Variants in SPRED1 observed in about 807,000 individuals in gnomAD.
SPRED1 encodes sprouty-related, EVH1 domain-containing protein 1.
A neutral mutation model predicts 52.3 loss-of-function variants in SPRED1; 18 were observed. The observed-to-expected ratio is 0.34, with a 90% confidence interval of 0.24 to 0.51. The LOEUF is 0.51. SPRED1 is among the 20% of genes least tolerant of loss of function. The probability of loss-of-function intolerance (pLI) is 0.97; values close to 1 mark genes in which losing one functional copy is unlikely to be tolerated. For synonymous variants in SPRED1, 155 were observed against 179.7 expected (o/e 0.86, Z 1.10); for missense variants, 485 against 551.0 (o/e 0.88, Z 1.20).
At chr15:38,331,841 G>A (rs1411633758) in intron 4 of SPRED1, among the ~76,000 whole-genome samples, 2 of 152,034 alleles carry the variant, frequency 1.3e-5, no homozygotes, top group Admixed American at 6.6e-5. Flanking sequence ...TTGAATATGT[G>A]TATATACTTT....
chr15:38,310,437 A>G (rs1895344360), intron 2 of SPRED1, among the ~76,000 whole-genome samples: 1 of 152,090 alleles, frequency 6.6e-6, no homozygotes, highest in East Asian at 1.9e-4. Flanking sequence ...CACTGTGCCC[A>G]GCCAAATTTT....
At position 38,354,802 on chromosome 15, in the gene SPRED1, A is replaced by G. The variant is rs531030936; in HGVS notation, c.*3138A>G. On this transcript the variant is annotated 3_prime_UTR_variant, in exon 7 of 7. Coordinates refer to ENST00000299084, the MANE Select transcript of SPRED1 (RefSeq NM_152594.3). Reference sequence around the variant, plus strand: ...GATGTACTGAGGCATTTATAGAACCAGTTGCTTTAACTCTCAAAAGCCATT... The same window carrying G: ...GATGTACTGAGGCATTTATAGAACCGGTTGCTTTAACTCTCAAAAGCCATT... 3 of 152,346 alleles carry G rather than the reference A, an allele frequency of 2.0e-5. No homozygotes were observed. The highest frequency in any genetic ancestry group is 4.1e-4 in the South Asian group (2 of 4,832). The allele number at this position is 152,346 out of a possible 1,614,324, so 9.4% of individuals were successfully genotyped here.
chr15:38,295,126 T>C (rs1303903162), intron 1 of SPRED1, among the ~76,000 whole-genome samples: 5 of 152,210 alleles, frequency 3.3e-5, no homozygotes, highest in African/African-American at 9.7e-5. Context: ...AAAAGTATGC[T>C]AAGTAAAGCA....
chr15:38,354,182 C>A lies in SPRED1; in HGVS notation c.*2518C>A, dbSNP rs1032420350. The A allele has an allele frequency of 6.6e-6, 1 of 152,172 alleles. No homozygotes were observed. The highest frequency in any genetic ancestry group is 2.4e-5 in the African/African-American group (1 of 41,410). The allele number at this position is 152,172 out of a possible 1,614,324, so 9.4% of individuals were successfully genotyped here. ...ATTTTCTTTTGAGTAAATGAGAATT[C>A]CTTTGTGAAAGCAAATGGGTAGTTT... is the stretch of plus-strand genomic sequence containing the variant. On this transcript the variant is annotated 3_prime_UTR_variant, in exon 7 of 7. Coordinates refer to ENST00000299084, the MANE Select transcript of SPRED1 (RefSeq NM_152594.3).
At chr15:38,335,266 A>G (rs1895889718) in intron 4 of SPRED1, among the ~76,000 whole-genome samples, 2 of 152,072 alleles carry the variant, frequency 1.3e-5, no homozygotes, top group African/African-American at 4.8e-5. Context: ...CTTCCAACAA[A>G]GCTTTGGTAA....
At chr15:38,349,936 C>T (rs1042009903) in intron 6 of SPRED1, among the ~76,000 whole-genome samples, 1 of 152,114 alleles carries the variant, frequency 6.6e-6, no homozygotes, top group African/African-American at 2.4e-5. Flanking sequence ...AATTTGTCTA[C>T]TTAGAAGCCT....
intron 1 of SPRED1, among the ~76,000 whole-genome samples, chr15:38,280,758 A>G (rs879054877): frequency 6.6e-6 from 1 of 152,210 alleles, no homozygotes; most frequent in South Asian, 2.1e-4. Context: ...GAAATTTAAC[A>G]TCTCTTATAA....
intron 1 of SPRED1, among the ~76,000 whole-genome samples, chr15:38,282,329 ACACACACACACACATG>A (rs1407641181): frequency 2.6e-4 from 13 of 49,210 alleles, no homozygotes; most frequent in Middle Eastern, 0.01. Context: ...ACACACACAC[ACACACACACACACATG>A]CACACACACA....
chr15:38,285,643 T>G (rs1037331311), intron 1 of SPRED1, among the ~76,000 whole-genome samples: 2 of 152,132 alleles, frequency 1.3e-5, no homozygotes, highest in African/African-American at 2.4e-5. Context: ...GAGCCAATTT[T>G]TGTAGGGTCT....
intron 1 of SPRED1, among the ~76,000 whole-genome samples, chr15:38,275,107 C>T (rs932732207): frequency 2.0e-5 from 3 of 152,142 alleles, no homozygotes; most frequent in African/African-American, 7.2e-5. Flanking sequence ...TGATGTTTGC[C>T]AAATGATTTT....
chr15:38,327,607 G>T (rs1175681903), intron 4 of SPRED1, among the ~76,000 whole-genome samples: 1 of 152,152 alleles, frequency 6.6e-6, no homozygotes, highest in African/African-American at 2.4e-5. Context: ...CAAGGAACTG[G>T]AGCCTTCTAG....
chr15:38,270,942 C>T (rs1229006586), intron 1 of SPRED1, among the ~76,000 whole-genome samples: 1 of 152,110 alleles, frequency 6.6e-6, no homozygotes, highest in Non-Finnish European at 1.5e-5. Context: ...CTTTGTAAAG[C>T]TAATCATCTT....
chr15:38,294,387 A>G (rs1483506086), intron 1 of SPRED1, among the ~76,000 whole-genome samples: 1 of 152,164 alleles, frequency 6.6e-6, no homozygotes, highest in East Asian at 1.9e-4. Context: ...ATTGTAATTA[A>G]AAATGGAAAA....
intron 6 of SPRED1, 23 bp from the exon 7 acceptor site, chr15:38,350,991 G>C: frequency 6.2e-7 from 1 of 1,606,436 alleles, no homozygotes; most frequent in Non-Finnish European, 8.5e-7. Flanking sequence ...CCTCATTGCA[G>C]TTTTTATCTG....
intron 2 of SPRED1, among the ~76,000 whole-genome samples, chr15:38,302,723 A>G (rs1346923348): frequency 6.6e-6 from 1 of 152,198 alleles, no homozygotes; most frequent in African/African-American, 2.4e-5. Context: ...ACTGCTCTGC[A>G]TAATTGGCTT....
At position 38,351,624 on chromosome 15, in the gene SPRED1, C is replaced by T. The variant is rs200871227; in HGVS notation, c.1295C>T (p.Ala432Val). The change falls in exon 7 of 7, where the codon GCA becomes GTA. Residue 432 changes from alanine to valine, a missense_variant. By Grantham distance (64) the Ala-to-Val change is moderately conservative (BLOSUM62 0). Transcript: ENST00000299084. ...AGAATGTGCCATCGCTGTGGTGAGG[C>T]ATGTGGTTGCTGTGGTGGGAAACAT... ...PLRMCHRCGE[A>V]CGCCGGKHKA... 32 of 1,613,944 alleles carry T rather than the reference C, an allele frequency of 2.0e-5. No individual in the cohort carries two copies. Among genetic ancestry groups the T allele is most frequent in the Admixed American group, 5.0e-5 (3 of 60,000 alleles).
At chr15:38,320,636 A>G (rs1425213590) in intron 2 of SPRED1, among the ~76,000 whole-genome samples, 4 of 152,288 alleles carry the variant, frequency 2.6e-5, no homozygotes, top group East Asian at 1.9e-4. Flanking sequence ...GAGTGGAGGT[A>G]ATGAAAATAC....
intron 2 of SPRED1, among the ~76,000 whole-genome samples, chr15:38,318,504 A>G (rs577149948): frequency 6.6e-6 from 1 of 152,222 alleles, no homozygotes; most frequent in South Asian, 2.1e-4. Context: ...TTACCTGGGT[A>G]TATTGGGTAA....
chr15:38,327,930 G>A (rs762821336), intron 4 of SPRED1, among the ~76,000 whole-genome samples: 2 of 152,156 alleles, frequency 1.3e-5, no homozygotes, highest in African/African-American at 2.4e-5. Context: ...AGTTACAACT[G>A]CAAAAGAAAA....
Sources: allele counts gnomAD v4.1 joint callset (sites outside exome capture counted in the v4.1 genomes callset), GRCh38; gene constraint gnomAD v4.1.1; transcripts MANE v1.5; gene names NCBI Gene and HGNC (gene_info 2026-07-23, HGNC 2026-07-21).